Variants in CORO7 observed in about 807,000 individuals in gnomAD.
CORO7 encodes coronin-7.
CORO7 carries 107 observed loss-of-function variants against 126.6 expected under a neutral mutation model. The observed-to-expected ratio is 0.85, with a 90% CI of 0.72 to 0.99. The LOEUF is 0.99. Among genes scored for constraint, CORO7 ranks in the 50% least tolerant of loss-of-function variants. CORO7 has a pLI of 0.00. For synonymous variants in CORO7, 603 were observed against 536.8 expected, an observed-to-expected ratio of 1.12 and a Z score of -1.70; for missense variants, 1,314 against 1,255.8, an observed-to-expected ratio of 1.05 and a Z score of -0.70.
In CORO7 at chr16:4,362,359, T is replaced by C. The variant is rs1422570447; in HGVS notation, c.1403-199A>G. On this transcript the variant is annotated intron_variant, in intron 15 of 27. Transcript: ENST00000251166. The surrounding 1 kb of genome is among the most constrained non-coding windows in gnomAD (Gnocchi z 5.3). ...ATGATATACCCTGTTCCATGGTGGC[T>C]CGGGGAATCTTGGTGGAGCCCAGGG... Among the ~76,000 whole-genome samples, 1 of 152,042 alleles carries C rather than the reference T, an allele frequency of 6.6e-6. No individual in the cohort carries two copies. The highest frequency in any genetic ancestry group is 1.5e-5 in the Non-Finnish European group (1 of 67,996).
intron 5 of CORO7, 83 bp downstream of exon 5, chr16:4,407,418 T>A: frequency 6.8e-7 from 1 of 1,466,704 alleles, no homozygotes; most frequent in Admixed American, 2.4e-5. Context: ...TTTAAATTTA[T>A]GTGACTAAAC....
chr16:4,399,660 C>A (rs559906823), intron 6 of CORO7, among the ~76,000 whole-genome samples: 1 of 151,968 alleles, frequency 6.6e-6, no homozygotes. Context: ...GAGGTCAAGG[C>A]GGGAGGATCA....
intron 9 of CORO7, among the ~76,000 whole-genome samples, chr16:4,371,544 CT>C (rs2054520987): frequency 6.6e-6 from 1 of 152,260 alleles, no homozygotes. Flanking sequence ...CATTTGTCAC[CT>C]GCCTGGTGCC....
intron 3 of CORO7, among the ~76,000 whole-genome samples, chr16:4,410,201 G>A (rs1320007323): frequency 6.6e-6 from 1 of 152,188 alleles, no homozygotes; most frequent in Non-Finnish European, 1.5e-5. Flanking sequence ...AAGGTGGGAA[G>A]ATCACTTGAG....
chr16:4,386,942 T>G (rs116787112), intron 9 of CORO7, among the ~76,000 whole-genome samples: 1 of 152,166 alleles, frequency 6.6e-6, no homozygotes, highest in Non-Finnish European at 1.5e-5. Flanking sequence ...ACACATACCC[T>G]TGCTGCTCCC....
At chr16:4,406,241 C>G (rs1196266558) in intron 5 of CORO7, among the ~76,000 whole-genome samples, 3 of 152,148 alleles carry the variant, frequency 2.0e-5, no homozygotes, top group Non-Finnish European at 4.4e-5. Flanking sequence ...CTCAAGTGAT[C>G]CGCCCACCTC....
At chr16:4,392,667 T>C (rs891875561) in intron 7 of CORO7, among the ~76,000 whole-genome samples, 3 of 152,168 alleles carry the variant, frequency 2.0e-5, no homozygotes, top group Non-Finnish European at 2.9e-5. Flanking sequence ...GGAAGGAGGA[T>C]TGCCAGAGAA....
At chr16:4,384,296 G>T (rs371214797) in intron 9 of CORO7, among the ~76,000 whole-genome samples, 1 of 152,234 alleles carries the variant, frequency 6.6e-6, no homozygotes, top group African/African-American at 2.4e-5. Context: ...AGAAGTGGGA[G>T]CATTTTCCAG....
chr16:4,401,239 T>C (rs1483734028), intron 6 of CORO7, among the ~76,000 whole-genome samples: 1 of 151,558 alleles, frequency 6.6e-6, no homozygotes, highest in Non-Finnish European at 1.5e-5. Context: ...AGCAAAGAGG[T>C]GGAGAAAGGA....
chr16:4,403,868 C>T (rs773092554), intron 6 of CORO7, among the ~76,000 whole-genome samples: 7 of 152,162 alleles, frequency 4.6e-5, no homozygotes, highest in East Asian at 3.9e-4. Flanking sequence ...CTGCCTGGGA[C>T]GCCCGTCCCC....
At chr16:4,400,110 C>G (rs1446398849) in intron 6 of CORO7, among the ~76,000 whole-genome samples, 1 of 152,130 alleles carries the variant, frequency 6.6e-6, no homozygotes, top group Admixed American at 6.5e-5. Flanking sequence ...TGAAACTACT[C>G]CGTATAGTGG....
intron 16 of CORO7, 153 bp from the exon 17 acceptor site, chr16:4,361,622 GC>G: frequency 1.0e-6 from 1 of 958,458 alleles, no homozygotes; most frequent in Middle Eastern, 3.1e-4. Flanking sequence ...TGACCACCTT[GC>G]GCTCTGAGCC....
At chr16:4,387,626 G>GCCT (rs2055240312) in intron 9 of CORO7, 1 of 219,068 alleles carries the variant, frequency 4.6e-6, no homozygotes, top group Non-Finnish European at 9.3e-6. Flanking sequence ...GCCTCCCTGG[G>GCCT]CCTCAGCCCT....
chr16:4,400,944 C>T (rs2141298896), intron 6 of CORO7, among the ~76,000 whole-genome samples: 1 of 152,206 alleles, frequency 6.6e-6, no homozygotes, highest in Middle Eastern at 3.4e-3. Flanking sequence ...ACAACTTGCT[C>T]ACTTTTTCTG....
At chr16:4,358,265 C>T in intron 24 of CORO7, 102 bp downstream of exon 24, 1 of 1,534,272 alleles carries the variant, frequency 6.5e-7, no homozygotes, top group African/African-American at 1.4e-5. Context: ...TCCCCATGAA[C>T]AATGGGTAGG....
At chr16:4,370,166 T>G (rs757881333) in intron 9 of CORO7, among the ~76,000 whole-genome samples, 2 of 152,194 alleles carry the variant, frequency 1.3e-5, no homozygotes, top group African/African-American at 4.8e-5. Flanking sequence ...TCTTTACCCC[T>G]GACCCTGGGC....
At chr16:4,368,316 C>T (rs1029089315) in intron 9 of CORO7, among the ~76,000 whole-genome samples, 1 of 152,012 alleles carries the variant, frequency 6.6e-6, no homozygotes, top group East Asian at 1.9e-4. Context: ...CAATGCATTC[C>T]AGCCTGGGTG....
intron 1 of CORO7, chr16:4,414,245 C>T (rs1251969708): frequency 1.3e-5 from 2 of 151,846 alleles, no homozygotes; most frequent in African/African-American, 4.8e-5. Context: ...TCCAAGTACC[C>T]GGAGAAAAAC....
At position 4,359,500 on chromosome 16, in the gene CORO7, G is replaced by A. The variant is rs376945155; in HGVS notation, c.2230C>T (p.Leu744=). ...CCCACCTTGCCGGTCAGGAGCACCAGGCCAGTGTCTGGGTCGTAGCTGGGC... is the reference window on the plus strand; with the variant it reads ...CCCACCTTGCCGGTCAGGAGCACCAAGCCAGTGTCTGGGTCGTAGCTGGGC... ...LLPSYDPDTG[L]VLLTGKGDTR... The change falls in exon 22 of 28, where the codon CTG becomes TTG. Residue 744 remains leucine (L), a synonymous_variant. Coordinates refer to ENST00000251166, the MANE Select transcript of CORO7 (RefSeq NM_024535.5). The A allele has an allele frequency of 1.2e-5, 20 of 1,613,548 alleles. No homozygotes were observed. In the Admixed American group the frequency reaches 1.8e-4, roughly 15 times the overall value.
Sources: allele counts gnomAD v4.1 joint callset (sites outside exome capture counted in the v4.1 genomes callset), GRCh38; gene constraint gnomAD v4.1.1; non-coding constraint Gnocchi (gnomAD v3.1); transcripts MANE v1.5; gene names NCBI Gene and HGNC (gene_info 2026-07-23, HGNC 2026-07-21).